CNTNAP2: variants seen among roughly 807,000 people sequenced by gnomAD.
The protein encoded by CNTNAP2 is contactin-associated protein-like 2.
In CNTNAP2, 98 loss-of-function variants were observed where a neutral mutation model predicts 155.2. The observed-to-expected ratio is 0.63, with a 90% CI of 0.54 to 0.75. The LOEUF (loss-of-function observed/expected upper bound fraction) is 0.75, where lower values mean the gene tolerates loss of function less well. Ranked by LOEUF, CNTNAP2 falls within the 30% of genes least tolerant of loss-of-function variation. The pLI is 0.00. For missense variants in CNTNAP2, 1,727 were observed against 1,688.1 expected (o/e 1.02, Z -0.40); for synonymous variants, 651 against 631.2 (o/e 1.03, Z -0.47).
At chr7:147,085,565 C>G (rs1800257972) in intron 4 of CNTNAP2, 1 of 152,196 alleles carries the variant, frequency 6.6e-6, no homozygotes, top group Non-Finnish European at 1.5e-5. Context: ...AAACACTGGC[C>G]CTGGTGCCAG....
chr7:148,147,768 T>TAA, intron 17 of CNTNAP2, 59 bp downstream of exon 17: 4 of 1,341,450 alleles, frequency 3.0e-6, no homozygotes, highest in South Asian at 1.4e-5. Flanking sequence ...GCCTGCACAA[T>TAA]ACAAAAAAAA....
intron 2 of CNTNAP2, among the ~76,000 whole-genome samples, chr7:146,787,727 A>G (rs1338772174): frequency 6.6e-6 from 1 of 152,154 alleles, no homozygotes; most frequent in Non-Finnish European, 1.5e-5. Flanking sequence ...GGCCCCACCC[A>G]CATCCTGCTG....
intron 6 of CNTNAP2, chr7:147,121,376 T>C (rs1426119749): frequency 7.9e-6 from 4 of 504,462 alleles, no homozygotes; most frequent in Non-Finnish European, 1.4e-5. Flanking sequence ...AAAATCTTAG[T>C]ACCAATGTAA....
intron 13 of CNTNAP2, among the ~76,000 whole-genome samples, chr7:147,734,686 C>T (rs113794856): frequency 1.3e-5 from 2 of 152,050 alleles, no homozygotes; most frequent in Non-Finnish European, 2.9e-5. Flanking sequence ...TATTGCCTCA[C>T]TTTCAGAACC....
rs869232774 is a variant in CNTNAP2 at position 146,761,334 on chromosome 7, G to GAAAA, written c.98-12936_98-12933dup. ...GGAAGGAAGGAAGGAAGGAAGGAAG[G>GAAAA]AAAATAGGAAAGTGTGTTCCCTGAA... On this transcript the variant is annotated intron_variant, in intron 1 of 23. Transcript: ENST00000361727. 7.2e-3 allele frequency among the ~76,000 whole-genome samples: 1,063 copies of GAAAA among 147,156 alleles called. 22 individuals are homozygous for GAAAA. The highest frequency in any genetic ancestry group is 0.026 in the African/African-American group (1,002 of 39,130).
chr7:146,717,817 A>G (rs148589477), intron 1 of CNTNAP2, among the ~76,000 whole-genome samples: 73 of 152,122 alleles, frequency 4.8e-4, no homozygotes, highest in African/African-American at 1.7e-3. Context: ...AAGTATCCCA[A>G]TGATCCTGGA....
At chr7:146,971,594 G>A (rs951858865) in intron 3 of CNTNAP2, among the ~76,000 whole-genome samples, 4 of 152,170 alleles carry the variant, frequency 2.6e-5, no homozygotes, top group Admixed American at 2.6e-4. Context: ...AGCGTAGTCA[G>A]GTTCTGCTGA....
intron 8 of CNTNAP2, among the ~76,000 whole-genome samples, chr7:147,204,865 G>GA (rs1802989205): frequency 6.6e-6 from 1 of 152,028 alleles, no homozygotes; most frequent in Non-Finnish European, 1.5e-5. Flanking sequence ...GCTAAGGTAA[G>GA]AAAATATCAT....
chr7:146,672,183 C>T (rs1800321798), intron 1 of CNTNAP2, among the ~76,000 whole-genome samples: 1 of 152,150 alleles, frequency 6.6e-6, no homozygotes, highest in Non-Finnish European at 1.5e-5. Context: ...TCTCTCTCAT[C>T]CTGGTGAAAC....
intron 15 of CNTNAP2, among the ~76,000 whole-genome samples, chr7:148,054,538 T>C (rs1324041477): frequency 1.4e-5 from 2 of 146,862 alleles, no homozygotes; most frequent in African/African-American, 5.0e-5. Context: ...CTAGGCATTC[T>C]GGGTTTCTGA....
intron 1 of CNTNAP2, among the ~76,000 whole-genome samples, chr7:146,143,887 C>T (rs1797917773): frequency 6.6e-6 from 1 of 152,164 alleles, no homozygotes; most frequent in South Asian, 2.1e-4. Flanking sequence ...TTCAGTCTCC[C>T]ATGTAGCTGG....
intron 8 of CNTNAP2, among the ~76,000 whole-genome samples, chr7:147,220,552 A>G (rs1355432024): frequency 4.6e-5 from 7 of 152,206 alleles, no homozygotes; most frequent in Non-Finnish European, 1.0e-4. Context: ...AAGAATTAAT[A>G]GTGATATAAT....
chr7:147,770,464 T>C (rs553966289), intron 13 of CNTNAP2, among the ~76,000 whole-genome samples: 1 of 152,332 alleles, frequency 6.6e-6, no homozygotes, highest in South Asian at 2.1e-4. Flanking sequence ...AATTAAAATA[T>C]GCGCTAATGG....
Position 148,420,150 on chromosome 7 carries a change from G to A in CNTNAP2, c.*4534G>A, listed in dbSNP as rs1027655648. ...CACTGGGAGATGCAACATAGCAAAA[G>A]GACAGAGAAATTAGAATTTTTTGTG... On this transcript the variant is annotated 3_prime_UTR_variant, in exon 24 of 24. Transcript: ENST00000361727. The A allele has an allele frequency of 6.6e-6, 1 of 152,128 alleles. No individual in the cohort carries two copies. The highest frequency in any genetic ancestry group is 1.5e-5 in the Non-Finnish European group (1 of 68,034). 9.4% of individuals were successfully genotyped at this position (152,128 alleles called of 1,614,324 possible).
chr7:147,913,203 T>C (rs753808787), intron 14 of CNTNAP2, among the ~76,000 whole-genome samples: 23 of 152,220 alleles, frequency 1.5e-4, no homozygotes, highest in Non-Finnish European at 2.2e-4. Flanking sequence ...TCCAGATTTA[T>C]TGGGGGAGGA....
At chr7:147,842,587 C>CTTTTTTTTTTTTT (rs3055146) in intron 13 of CNTNAP2, among the ~76,000 whole-genome samples, 3 of 84,408 alleles carry the variant, frequency 3.6e-5, no homozygotes, top group East Asian at 3.9e-4. Flanking sequence ...TTTTACTTTT[C>CTTTTTTTTTTTTT]TTTTTTTTTT....
chr7:146,517,159 G>A (rs546683176), intron 1 of CNTNAP2, among the ~76,000 whole-genome samples: 8 of 152,048 alleles, frequency 5.3e-5, no homozygotes, highest in African/African-American at 1.9e-4. Flanking sequence ...ACACTGTACA[G>A]GCCACCTGCC....
At chr7:146,855,716 AG>A (rs1794966984) in intron 3 of CNTNAP2, among the ~76,000 whole-genome samples, 1 of 151,020 alleles carries the variant, frequency 6.6e-6, no homozygotes, top group African/African-American at 2.4e-5. Flanking sequence ...TTGGGGGCCA[AG>A]GTTCTCACCA....
chr7:147,648,256 G>A (rs534851571), intron 13 of CNTNAP2, among the ~76,000 whole-genome samples: 2 of 152,216 alleles, frequency 1.3e-5, no homozygotes, highest in East Asian at 1.9e-4. Flanking sequence ...AAAGAAGAGT[G>A]TAGAATTTGC....
Sources: gnomAD v4.1 joint callset for allele counts (sites outside exome capture counted in the v4.1 genomes callset) on GRCh38, gnomAD v4.1.1 for gene constraint, MANE v1.5 for transcripts, NCBI Gene and HGNC (gene_info 2026-07-23, HGNC 2026-07-21) for gene names.